The following FAM227B variants were observed in gnomAD, a reference collection of about 807,000 sequenced individuals.
The protein encoded by FAM227B is protein FAM227B.
FAM227B carries 88 observed loss-of-function variants against 73.8 expected under a neutral mutation model. That is an observed-to-expected ratio of 1.19 (90% CI 1.00 to 1.42). FAM227B has a LOEUF of 1.42. Among genes scored for constraint, FAM227B ranks in the 40% most tolerant of loss-of-function variants. The pLI is 0.00. For missense variants in FAM227B, 632 were observed against 590.9 expected (o/e 1.07, Z -0.72); for synonymous variants, 210 against 190.5 (o/e 1.10, Z -0.84).
At chr15:49,609,460 C>T (rs1244358094) in intron 3 of FAM227B, among the ~76,000 whole-genome samples, 2 of 151,882 alleles carry the variant, frequency 1.3e-5, no homozygotes, top group Non-Finnish European at 2.9e-5. Context: ...AAGTAGCTAA[C>T]ATGTAGGTTG....
At chr15:49,478,823 A>G (rs1319155840) in intron 11 of FAM227B, among the ~76,000 whole-genome samples, 3 of 152,208 alleles carry the variant, frequency 2.0e-5, no homozygotes, top group African/African-American at 7.2e-5. Context: ...GTGAGACACT[A>G]AAAAGTAATT....
intron 3 of FAM227B, among the ~76,000 whole-genome samples, chr15:49,610,097 A>C (rs1381021930): frequency 6.6e-6 from 1 of 152,008 alleles, no homozygotes; most frequent in Non-Finnish European, 1.5e-5. Context: ...TTCTCAATTT[A>C]AGCAAAGGGA....
intron 9 of FAM227B, among the ~76,000 whole-genome samples, chr15:49,555,232 T>A (rs1471184650): frequency 6.6e-6 from 1 of 152,258 alleles, no homozygotes; most frequent in Non-Finnish European, 1.5e-5. Flanking sequence ...CTTCGGGACC[T>A]CTTATAAAGC....
intron 14 of FAM227B, among the ~76,000 whole-genome samples, chr15:49,333,808 AGTT>A (rs2039236533): frequency 6.6e-6 from 1 of 152,190 alleles, no homozygotes; most frequent in East Asian, 1.9e-4. Context: ...AATACTTTAT[AGTT>A]GTTCTTCCTA....
chr15:49,481,811 GT>G (rs1230353969), intron 11 of FAM227B, among the ~76,000 whole-genome samples: 1 of 152,104 alleles, frequency 6.6e-6, no homozygotes, highest in African/African-American at 2.4e-5. Flanking sequence ...ATGAGTAGCT[GT>G]GAAACTCTCA....
At chr15:49,495,196 T>C (rs1228026452) in intron 11 of FAM227B, among the ~76,000 whole-genome samples, 1 of 152,194 alleles carries the variant, frequency 6.6e-6, no homozygotes, top group African/African-American at 2.4e-5. Flanking sequence ...GGGGAGGTAT[T>C]TGCAGGCGAT....
chr15:49,382,427 G>A (rs2046599800), intron 11 of FAM227B, among the ~76,000 whole-genome samples: 1 of 152,058 alleles, frequency 6.6e-6, no homozygotes, highest in African/African-American at 2.4e-5. Flanking sequence ...AATGTTAACT[G>A]TTTAGGAAAA....
chr15:49,569,286 G>C (rs924131548), intron 8 of FAM227B, among the ~76,000 whole-genome samples: 19 of 151,536 alleles, frequency 1.3e-4, no homozygotes, highest in African/African-American at 3.6e-4. Context: ...TCTAGCTAAA[G>C]GTTTGTCCAT....
rs548979337 is a variant in FAM227B, at chr15:49,467,874, T to C, written c.1012+40337A>G. 1.1e-3 allele frequency among the ~76,000 whole-genome samples: 164 copies of C among 152,234 alleles called. 1 individual carries two copies. Among genetic ancestry groups the C allele is most frequent in the African/African-American group, 3.9e-3 (161 of 41,550 alleles). On this transcript the variant is annotated intron_variant, in intron 11 of 15. Transcript: ENST00000299338. ...AATGATAAGGAAAACGATCAGTAAA[T>C]TGGTATAGAAATATAAGTCTGTGCA...
At chr15:49,603,258 A>G (rs1414409832) in intron 3 of FAM227B, among the ~76,000 whole-genome samples, 1 of 152,116 alleles carries the variant, frequency 6.6e-6, no homozygotes, top group African/African-American at 2.4e-5. Flanking sequence ...AACAATATTG[A>G]TTATTCCAAT....
rs1179393603 is a variant in FAM227B at position 49,611,217 on chromosome 15, A to G, written c.103T>C (p.Trp35Arg). ...ATAAAATAAGATGCTTTACTCACCC[A>G]ATTTTGAAACTTTAAGAATTCTTCA... ...SIEEFLKFQN[W>R]DYWPREIHFR... is the part of the protein sequence containing the mutation. The change falls in exon 3 of 16, where the codon TGG becomes CGG. Residue 35 changes from tryptophan (W) to arginine (R), a missense_variant and splice_region_variant. Trp to Arg is a moderately radical substitution (Grantham distance 101, BLOSUM62 -3). Transcript: ENST00000299338. The G allele has an allele frequency of 7.6e-6, 12 of 1,581,642 alleles. No individual in the cohort carries two copies. Among genetic ancestry groups the G allele is most frequent in the Middle Eastern group, 1.7e-4 (1 of 5,978 alleles).
intron 11 of FAM227B, among the ~76,000 whole-genome samples, chr15:49,461,848 G>C (rs1489624529): frequency 6.6e-6 from 1 of 152,076 alleles, no homozygotes; most frequent in Non-Finnish European, 1.5e-5. Flanking sequence ...TGGTTACTAG[G>C]GTAACCTCAT....
chr15:49,328,065 A>AT lies in FAM227B; in HGVS notation c.*502dup. 4 of 1,614,072 alleles carry AT rather than the reference A, an allele frequency of 2.5e-6. No individual in the cohort carries two copies. Among genetic ancestry groups the AT allele is most frequent in the Non-Finnish European group, 3.4e-6 (4 of 1,179,968 alleles). ...TTTCTAGCAAATGTGCACAAAGCTTATTACCAGAGGAGTGATGGAAGCTTA... is the reference window on the plus strand; with the variant it reads ...TTTCTAGCAAATGTGCACAAAGCTTATTTACCAGAGGAGTGATGGAAGCTTA... On this transcript the variant is annotated 3_prime_UTR_variant, in exon 16 of 16. Coordinates refer to ENST00000299338, the MANE Select transcript of FAM227B (RefSeq NM_152647.3).
intron 11 of FAM227B, among the ~76,000 whole-genome samples, chr15:49,464,249 A>AT (rs1470334607): frequency 1.3e-5 from 2 of 152,100 alleles, no homozygotes; most frequent in East Asian, 1.9e-4. Context: ...CCCGAAGGAT[A>AT]TTTTTTGCCC....
chr15:49,579,529 A>T (rs1441160369), intron 5 of FAM227B, among the ~76,000 whole-genome samples: 1 of 152,192 alleles, frequency 6.6e-6, no homozygotes, highest in Non-Finnish European at 1.5e-5. Context: ...GTTAAGTGAA[A>T]TAAGGCACAG....
intron 11 of FAM227B, among the ~76,000 whole-genome samples, chr15:49,403,114 TC>T (rs1239995871): frequency 6.6e-6 from 1 of 152,178 alleles, no homozygotes; most frequent in African/African-American, 2.4e-5. Context: ...CAACCTTGCA[TC>T]CCAGGGATGA....
chr15:49,350,379 G>T (rs1314252518), intron 13 of FAM227B, among the ~76,000 whole-genome samples: 1 of 152,142 alleles, frequency 6.6e-6, no homozygotes, highest in South Asian at 2.1e-4. Flanking sequence ...ATACCTGTGT[G>T]CACATACTTA....
intron 11 of FAM227B, among the ~76,000 whole-genome samples, chr15:49,392,704 T>C (rs534598600): frequency 4.6e-5 from 7 of 152,332 alleles, no homozygotes; most frequent in Admixed American, 1.3e-4. Flanking sequence ...TTGAGGATGA[T>C]TGAAATAACT....
chr15:49,509,921 A>T (rs74012394), intron 10 of FAM227B, among the ~76,000 whole-genome samples: 2,244 of 152,210 alleles, frequency 0.015, 71 homozygotes, highest in African/African-American at 0.052. Context: ...CATTTTATAA[A>T]ATTTATACAG....
Sources: gnomAD v4.1 joint callset for allele counts (sites outside exome capture counted in the v4.1 genomes callset) on GRCh38, gnomAD v4.1.1 for gene constraint, MANE v1.5 for transcripts, NCBI Gene and HGNC (gene_info 2026-07-23, HGNC 2026-07-21) for gene names.